The following ATP6V0A2 variants were observed in gnomAD, a reference collection of about 807,000 sequenced individuals.
ATP6V0A2 encodes the protein ATPase H+ transporting V0 subunit a2.
ATP6V0A2 carries 58 observed loss-of-function variants against 104.4 expected under a neutral mutation model. The ratio of observed to expected loss-of-function variants is 0.56; its 90% CI spans 0.45 to 0.69. The LOEUF (loss-of-function observed/expected upper bound fraction) is 0.69, where lower values mean the gene tolerates loss of function less well. ATP6V0A2 is among the 30% of genes least tolerant of loss of function. The probability of loss-of-function intolerance (pLI) is 0.00; values close to 1 mark genes in which losing one functional copy is unlikely to be tolerated. For missense variants in ATP6V0A2, 938 were observed against 1,062.9 expected (o/e 0.88, Z 1.63); for synonymous variants, 376 against 397.9 (o/e 0.95, Z 0.65).
At chr12:123,718,544 T>G in intron 1 of ATP6V0A2, 79 bp from the exon 2 acceptor site, 1 of 1,084,858 alleles carries the variant, frequency 9.2e-7, no homozygotes, top group Non-Finnish European at 1.4e-6. Flanking sequence ...TCCCCCAAAC[T>G]TTGGTGATGT....
At chr12:123,740,135 C>T (rs1956594082) in intron 9 of ATP6V0A2, among the ~76,000 whole-genome samples, 1 of 138,402 alleles carries the variant, frequency 7.2e-6, no homozygotes. Flanking sequence ...CAGAGCCAGA[C>T]CTTGTCTCAA....
At position 123,733,943 on chromosome 12, in the gene ATP6V0A2, G is replaced by C; in HGVS notation, c.666G>C (p.Trp222Cys). ...CTTTGTAGGGGGAAGTCATAAAATGGTATGTCTTTTTAATATCCTTTTGGG... is the reference window on the plus strand; with the variant it reads ...CTTTGTAGGGGGAAGTCATAAAATGCTATGTCTTTTTAATATCCTTTTGGG... The part of the protein sequence containing the change: ...EDPETGEVIK[W>C]YVFLISFWGE... The change falls in exon 7 of 20, where the codon TGG becomes TGC. Residue 222 changes from tryptophan (W) to cysteine (C), a missense_variant. Physicochemically the swap from Trp to Cys is radical, Grantham distance 215. Coordinates refer to ENST00000330342, the MANE Select transcript of ATP6V0A2 (RefSeq NM_012463.4). 2 of 1,612,804 alleles carry C rather than the reference G, an allele frequency of 1.2e-6. No individual in the cohort carries two copies. The highest frequency in any genetic ancestry group is 1.7e-6 in the Non-Finnish European group (2 of 1,178,826).
At chr12:123,725,845 G>A (rs1322427349) in intron 4 of ATP6V0A2, among the ~76,000 whole-genome samples, 1 of 151,680 alleles carries the variant, frequency 6.6e-6, no homozygotes, top group Non-Finnish European at 1.5e-5. Context: ...AGTCCATGTA[G>A]TAGCACCTTA....
Position 123,735,533 on chromosome 12 carries a change from A to G in ATP6V0A2, c.734A>G (p.Tyr245Cys). The change falls in exon 8 of 20, where the codon TAC becomes TGC. Residue 245 changes from tyrosine (Y) to cysteine (C), a missense_variant and splice_region_variant. Coordinates refer to ENST00000330342, the MANE Select transcript of ATP6V0A2 (RefSeq NM_012463.4). ...TGTGTTCAACTCTTGTCTTCCAGCT[A>G]CCACTGCCACGTGTACCCCTATCCA... ...GHKVKKICDC[Y>C]HCHVYPYPNT... 3.7e-6 allele frequency: 6 copies of G among 1,613,714 alleles called. No individual in the cohort carries two copies. The highest frequency in any genetic ancestry group is 5.1e-6 in the Non-Finnish European group (6 of 1,179,730).
chr12:123,755,857 C>T (rs1046473527), intron 18 of ATP6V0A2, among the ~76,000 whole-genome samples: 4 of 151,644 alleles, frequency 2.6e-5, no homozygotes, highest in African/African-American at 4.8e-5. Flanking sequence ...CCTAGGCGGG[C>T]GGATCATGAG....
chr12:123,738,910 T>C (rs1311341595), intron 9 of ATP6V0A2: 1 of 152,200 alleles, frequency 6.6e-6, no homozygotes, highest in East Asian at 1.9e-4. Context: ...AAACATGAAA[T>C]ACCCAGTGCT....
intron 3 of ATP6V0A2, 164 bp from the exon 4 acceptor site, chr12:123,724,490 C>T: frequency 8.2e-6 from 5 of 607,410 alleles, no homozygotes; most frequent in Non-Finnish European, 1.4e-5. Context: ...GATCATGCCA[C>T]TGCACTCCAG....
At chr12:123,736,762 T>G (rs1045547490) in intron 8 of ATP6V0A2, among the ~76,000 whole-genome samples, 18 of 152,096 alleles carry the variant, frequency 1.2e-4, no homozygotes, top group African/African-American at 4.3e-4. Context: ...GCCATCACGC[T>G]GCCGCAGTGA....
chr12:123,725,533 T>C (rs1309748463), intron 4 of ATP6V0A2, among the ~76,000 whole-genome samples: 2 of 152,234 alleles, frequency 1.3e-5, no homozygotes, highest in Non-Finnish European at 2.9e-5. Context: ...ATCCCAGCAC[T>C]TTGGGAGGCC....
chr12:123,744,132 T>C lies in ATP6V0A2; in HGVS notation c.1190-69T>C, dbSNP rs1956636521. ...GAAAGTCAAGATTGTTATGTATCAT[T>C]GTGTTTGAATGAACTCAGGTTTTCC... is the stretch of plus-strand genomic sequence containing the variant. On this transcript the variant is annotated intron_variant, in intron 10 of 19. Coordinates refer to ENST00000330342, the MANE Select transcript of ATP6V0A2 (RefSeq NM_012463.4). The surrounding 1 kb of genome is among the most constrained non-coding windows in gnomAD (Gnocchi z 5.4). 2.5e-6 allele frequency: 4 copies of C among 1,591,734 alleles called. No homozygotes were observed. Among genetic ancestry groups the C allele is most frequent in the Non-Finnish European group, 3.4e-6 (4 of 1,160,390 alleles).
intron 6 of ATP6V0A2, among the ~76,000 whole-genome samples, chr12:123,729,584 T>C (rs1031151358): frequency 6.6e-6 from 1 of 152,098 alleles, no homozygotes; most frequent in African/African-American, 2.4e-5. Flanking sequence ...GACAGAGTCA[T>C]AATCACCCTT....
intron 3 of ATP6V0A2, chr12:123,724,337 A>G (rs1385424240): frequency 3.5e-6 from 1 of 288,476 alleles, no homozygotes; most frequent in African/African-American, 2.3e-5. Context: ...CAGCCTGGCC[A>G]ACATGGTGAA....
intron 13 of ATP6V0A2, among the ~76,000 whole-genome samples, chr12:123,745,825 C>T (rs552927430): frequency 1.3e-5 from 2 of 152,202 alleles, no homozygotes; most frequent in South Asian, 2.1e-4. Flanking sequence ...GTGGGGTTTT[C>T]CTGAGCTGTC....
At chr12:123,752,153 C>G in intron 16 of ATP6V0A2, 130 bp from the exon 17 acceptor site, 8 of 1,223,136 alleles carry the variant, frequency 6.5e-6, no homozygotes, top group Non-Finnish European at 9.4e-6. Context: ...AGCCACTGTG[C>G]CTAGCCTAAA....
intron 1 of ATP6V0A2, among the ~76,000 whole-genome samples, chr12:123,717,832 A>T (rs2135878505): frequency 6.6e-6 from 1 of 151,964 alleles, no homozygotes; most frequent in African/African-American, 2.4e-5. Context: ...TTTCCCTGAG[A>T]TTGATGTTGT....
chr12:123,715,463 G>A (rs1297839158), intron 1 of ATP6V0A2, among the ~76,000 whole-genome samples: 1 of 152,100 alleles, frequency 6.6e-6, no homozygotes, highest in Non-Finnish European at 1.5e-5. Context: ...CCCAAAAAAT[G>A]AACAAGAACT....
Position 123,720,113 on chromosome 12 carries a change from A to G in ATP6V0A2, c.196+1412A>G, listed in dbSNP as rs1242252494. On this transcript the variant is annotated intron_variant, in intron 2 of 19. Coordinates refer to ENST00000330342, the MANE Select transcript of ATP6V0A2 (RefSeq NM_012463.4). ...GGTGATCCACTGGCTTCGGCCTCCC[A>G]AAGGTCTGGGATTACAGATGTGAGC... is the stretch of plus-strand genomic sequence containing the variant. Among the ~76,000 whole-genome samples, 3 of 151,988 alleles carry G rather than the reference A, an allele frequency of 2.0e-5. No individual in the cohort carries two copies. In the East Asian group the frequency reaches 5.8e-4, roughly 30 times the overall value.
Position 123,744,268 on chromosome 12 carries a change from T to G in ATP6V0A2, c.1257T>G (p.Phe419Leu). 1.2e-6 allele frequency: 2 copies of G among 1,614,256 alleles called. No homozygotes were observed. Among genetic ancestry groups the G allele is most frequent in the Non-Finnish European group, 1.7e-6 (2 of 1,180,034 alleles). The change falls in exon 11 of 20, where the codon TTT becomes TTG. Residue 419 changes from phenylalanine to leucine, a missense_variant. Phe to Leu is a conservative substitution (Grantham distance 22). Transcript: ENST00000330342. This position sits in a 1 kb window ranked among gnomAD's most constrained non-coding sequence, Gnocchi z 5.4. ...AVMFGDFGHGFVMFLFALLLV... is the reference protein window; with the variant it reads ...AVMFGDFGHGLVMFLFALLLV... ...TGTTTGGAGACTTCGGACATGGCTT[T>G]GTGATGTTTTTATTTGCCCTCTTGT...
In ATP6V0A2 at chr12:123,748,649, A is replaced by G. The variant is rs1956685657; in HGVS notation, c.1799A>G (p.Tyr600Cys). The G allele has an allele frequency of 6.2e-7, 1 of 1,614,088 alleles. No homozygotes were observed. The highest frequency in any genetic ancestry group is 8.5e-7 in the Non-Finnish European group (1 of 1,179,976). The part of the protein sequence containing the change: ...ELLFMLCIFG[Y>C]LIFMIFYKWL... ...CTCTTCATGCTCTGTATCTTTGGAT[A>G]CCTTATATTTATGATTTTCTACAAG... Residue 600 changes from tyrosine (Y) to cysteine (C), a missense_variant, in exon 15 of 20, where the codon TAC becomes TGC. Tyr to Cys is a radical substitution (Grantham distance 194, BLOSUM62 -2). Coordinates refer to ENST00000330342, the MANE Select transcript of ATP6V0A2 (RefSeq NM_012463.4).
Sources: allele counts gnomAD v4.1 joint callset (sites outside exome capture counted in the v4.1 genomes callset), GRCh38; gene constraint gnomAD v4.1.1; non-coding constraint Gnocchi (gnomAD v3.1); transcripts MANE v1.5; gene names NCBI Gene and HGNC (gene_info 2026-07-23, HGNC 2026-07-21).